Variants in MYOF observed in about 807,000 individuals in gnomAD.
The protein encoded by MYOF is fer-1-like 3, myoferlin.
MYOF carries 244 observed loss-of-function variants against 284.2 expected under a neutral mutation model. That is an observed-to-expected ratio of 0.86 (90% CI 0.77 to 0.95). MYOF has a LOEUF of 0.95. Ranked by LOEUF, MYOF falls within the 40% of genes least tolerant of loss-of-function variation. The pLI is 0.00. For missense variants in MYOF, 2,496 were observed against 2,560.6 expected (o/e 0.97, Z 0.54); for synonymous variants, 904 against 919.7 (o/e 0.98, Z 0.31).
intron 3 of MYOF, among the ~76,000 whole-genome samples, chr10:93,434,619 C>T (rs911433782): frequency 6.6e-6 from 1 of 152,032 alleles, no homozygotes; most frequent in African/African-American, 2.4e-5. Flanking sequence ...CTGCTGCTGT[C>T]ATACATTTAA....
At chr10:93,439,604 C>T (rs564434202) in intron 3 of MYOF, among the ~76,000 whole-genome samples, 108 of 152,288 alleles carry the variant, frequency 7.1e-4, no homozygotes, top group African/African-American at 2.2e-3. Flanking sequence ...ACTCAGGCTG[C>T]GTACAGGTTA....
At chr10:93,437,267 TTTC>T (rs1336324663) in intron 3 of MYOF, among the ~76,000 whole-genome samples, 2 of 152,224 alleles carry the variant, frequency 1.3e-5, no homozygotes, top group Admixed American at 1.3e-4. Flanking sequence ...CTGTTTTTTT[TTTC>T]TTCTTTCTTC....
chr10:93,347,947 G>A (rs1564637771), intron 36 of MYOF, among the ~76,000 whole-genome samples, 165 bp from the exon 37 acceptor site: 1 of 152,218 alleles, frequency 6.6e-6, no homozygotes, highest in Admixed American at 6.5e-5. Context: ...GCTTAAGAGC[G>A]TGAGCTGTCA....
At chr10:93,428,083 A>G (rs1848674841) in intron 4 of MYOF, among the ~76,000 whole-genome samples, 1 of 151,978 alleles carries the variant, frequency 6.6e-6, no homozygotes, top group Non-Finnish European at 1.5e-5. Flanking sequence ...GCACACACGT[A>G]CACACACACA....
At chr10:93,477,821 T>A (rs1421605589) in intron 1 of MYOF, among the ~76,000 whole-genome samples, 1 of 152,214 alleles carries the variant, frequency 6.6e-6, no homozygotes, top group Non-Finnish European at 1.5e-5. Context: ...CACTCCAGCC[T>A]GGGTGACAGA....
intron 1 of MYOF, among the ~76,000 whole-genome samples, chr10:93,458,953 G>C (rs1449615569): frequency 6.6e-6 from 1 of 152,210 alleles, no homozygotes; most frequent in African/African-American, 2.4e-5. Context: ...ATTCTTCCAA[G>C]ACCTCAGCAT....
intron 2 of MYOF, among the ~76,000 whole-genome samples, chr10:93,454,057 C>T (rs112186980): frequency 0.046 from 7,051 of 152,180 alleles, 219 homozygotes; most frequent in Non-Finnish European, 0.07. Flanking sequence ...TGGCATATGC[C>T]TGTAATCCCA....
intron 17 of MYOF, among the ~76,000 whole-genome samples, chr10:93,392,434 C>T (rs942296416): frequency 4.6e-5 from 7 of 152,212 alleles, no homozygotes; most frequent in South Asian, 4.1e-4. Flanking sequence ...CAAAAAATGA[C>T]GAGTTCTGTG....
chr10:93,421,412 G>A (rs1848353842), intron 5 of MYOF, among the ~76,000 whole-genome samples: 2 of 152,118 alleles, frequency 1.3e-5, no homozygotes, highest in South Asian at 2.1e-4. Flanking sequence ...CCCTAGCAGG[G>A]GGTTGCAGTA....
intron 21 of MYOF, among the ~76,000 whole-genome samples, chr10:93,379,582 A>G (rs2133994802): frequency 6.6e-6 from 1 of 152,216 alleles, no homozygotes; most frequent in South Asian, 2.1e-4. Flanking sequence ...CCCTCCCCTC[A>G]GGCTGGAGGG....
intron 1 of MYOF, among the ~76,000 whole-genome samples, chr10:93,479,386 A>C (rs1255033266): frequency 6.6e-6 from 1 of 152,148 alleles, no homozygotes; most frequent in Admixed American, 6.5e-5. Context: ...GTATTTTGCT[A>C]TAAGTATCCT....
At chr10:93,321,791 G>T (rs550058357) in intron 48 of MYOF, among the ~76,000 whole-genome samples, 2 of 152,180 alleles carry the variant, frequency 1.3e-5, no homozygotes, top group East Asian at 3.9e-4. Flanking sequence ...ACGTATTTGT[G>T]TGCATGTATG....
chr10:93,394,895 T>C (rs1846923757), intron 16 of MYOF, among the ~76,000 whole-genome samples: 1 of 150,852 alleles, frequency 6.6e-6, no homozygotes, highest in East Asian at 1.9e-4. Context: ...ATAGTGTGTA[T>C]ATATATATGC....
At chr10:93,356,476 A>C (rs913619790) in intron 30 of MYOF, among the ~76,000 whole-genome samples, 199 bp downstream of exon 30, 27 of 151,214 alleles carry the variant, frequency 1.8e-4, no homozygotes, top group African/African-American at 6.1e-4. Flanking sequence ...TTCTTAGAAC[A>C]CTCCTGTGTT....
chr10:93,458,099 T>A (rs2056787664), intron 1 of MYOF, among the ~76,000 whole-genome samples: 1 of 152,008 alleles, frequency 6.6e-6, no homozygotes. Flanking sequence ...ACGCCTGTAA[T>A]CCCAGCACTT....
chr10:93,374,410 C>G (rs1222665316), intron 23 of MYOF, among the ~76,000 whole-genome samples: 2 of 152,106 alleles, frequency 1.3e-5, no homozygotes, highest in East Asian at 3.9e-4. Flanking sequence ...ATGGTAGAAC[C>G]AAGGTTCAAA....
intron 1 of MYOF, among the ~76,000 whole-genome samples, chr10:93,459,414 C>T (rs143436110): frequency 5.9e-4 from 90 of 152,364 alleles, no homozygotes; most frequent in African/African-American, 2.0e-3. Flanking sequence ...CATTCTACCA[C>T]AGTGTCTCTA....
Position 93,359,816 on chromosome 10 carries a change from T to C in MYOF, c.3120+17A>G, listed in dbSNP as rs1164423715. 3.1e-6 allele frequency: 5 copies of C among 1,613,796 alleles called. No homozygotes were observed. The highest frequency in any genetic ancestry group is 1.3e-5 in the African/African-American group (1 of 74,918). On this transcript the variant is annotated intron_variant, in intron 29 of 53. Coordinates refer to ENST00000359263, the MANE Select transcript of MYOF (RefSeq NM_013451.4). ...GCAGAGCTCCCCAGTCCAGCTCCCT[T>C]CCCTTGCTTCTCTTACCCTTGCGGT...
chr10:93,397,693 G>T (rs1462472916), intron 13 of MYOF, among the ~76,000 whole-genome samples: 4 of 151,576 alleles, frequency 2.6e-5, no homozygotes, highest in Non-Finnish European at 5.9e-5. Flanking sequence ...CAATTGTCAG[G>T]CTTCTAACAT....
Sources: allele counts gnomAD v4.1 joint callset (sites outside exome capture counted in the v4.1 genomes callset), GRCh38; gene constraint gnomAD v4.1.1; transcripts MANE v1.5; gene names NCBI Gene and HGNC (gene_info 2026-07-23, HGNC 2026-07-21).